The following HEG1 variants were observed in gnomAD, a reference collection of about 807,000 sequenced individuals.
HEG1 encodes the protein heart development protein with EGF like domains 1.
A neutral mutation model predicts 125.6 loss-of-function variants in HEG1; 56 were observed. That is an observed-to-expected ratio of 0.45 (90% confidence interval 0.36 to 0.56). HEG1 has a LOEUF of 0.56. Ranked by LOEUF, HEG1 falls within the 20% of genes least tolerant of loss-of-function variation. HEG1 has a pLI of 0.00. For synonymous variants in HEG1, 644 were observed against 668.5 expected, an observed-to-expected ratio of 0.96 and a Z score of 0.57; for missense variants, 1,523 against 1,670.0, an observed-to-expected ratio of 0.91 and a Z score of 1.53.
At chr3:125,043,399 G>C (rs1325011531) in intron 1 of HEG1, among the ~76,000 whole-genome samples, 1 of 151,278 alleles carries the variant, frequency 6.6e-6, no homozygotes, top group African/African-American at 2.4e-5. Flanking sequence ...CAAGCTCTTT[G>C]CTTTAAAAGG....
chr3:125,011,088 A>G (rs1193041605), intron 6 of HEG1, among the ~76,000 whole-genome samples: 2 of 152,184 alleles, frequency 1.3e-5, no homozygotes, highest in African/African-American at 4.8e-5. Context: ...ATTGTGCCAT[A>G]TTTAGAAAAT....
chr3:124,997,366 T>C (rs954561184), intron 12 of HEG1, among the ~76,000 whole-genome samples: 14 of 152,002 alleles, frequency 9.2e-5, no homozygotes, highest in Non-Finnish European at 1.8e-4. Context: ...AGACAACAGA[T>C]AAAGCTTTGG....
rs534267444 is a variant in HEG1 at position 124,967,486 on chromosome 3, G to A, written c.*3166C>T. On this transcript the variant is annotated 3_prime_UTR_variant, in exon 17 of 17. Transcript: ENST00000311127. ...TTTTTTTTTTTTTTTTGCATTTCAC[G>A]TCACTAATTTGGTTACTTCTTAAAA... is the stretch of plus-strand genomic sequence containing the variant. 7.6e-6 allele frequency: 1 copy of A among 130,898 alleles called. No individual in the cohort carries two copies. The highest frequency in any genetic ancestry group is 3.0e-5 in the African/African-American group (1 of 33,426). The allele number at this position is 130,898 out of a possible 1,614,324, so 8.1% of individuals were successfully genotyped here.
At position 125,013,116 on chromosome 3, in the gene HEG1, C is replaced by T; in HGVS notation, c.2463G>A (p.Glu821=). ...TNSPLPPSLT[E]SSTEQTLPAT... ...CTGGAAGGGTTTGCTCTGTGGAGGACTCTGTTAAGGATGGAGGCAAAGGAG... is the reference window on the plus strand; with the variant it reads ...CTGGAAGGGTTTGCTCTGTGGAGGATTCTGTTAAGGATGGAGGCAAAGGAG... Residue 821 remains glutamate (E), a synonymous_variant, in exon 6 of 17, where the codon GAG becomes GAA. Transcript: ENST00000311127. 2 of 1,613,924 alleles carry T rather than the reference C, an allele frequency of 1.2e-6. No individual in the cohort carries two copies. The highest frequency in any genetic ancestry group is 1.7e-6 in the Non-Finnish European group (2 of 1,179,886).
chr3:125,006,238 C>T (rs750113234), intron 8 of HEG1, among the ~76,000 whole-genome samples: 10 of 151,968 alleles, frequency 6.6e-5, no homozygotes, highest in South Asian at 4.1e-4. Flanking sequence ...CTGTTGGGTT[C>T]GGAAATGAAA....
intron 1 of HEG1, among the ~76,000 whole-genome samples, chr3:125,048,983 T>C (rs979269714): frequency 6.6e-6 from 1 of 151,874 alleles, no homozygotes; most frequent in African/African-American, 2.4e-5. Context: ...GAGGCAGGAG[T>C]TGACACAGGG....
intron 9 of HEG1, among the ~76,000 whole-genome samples, chr3:125,004,381 C>T (rs1937040768): frequency 6.6e-6 from 1 of 152,158 alleles, no homozygotes; most frequent in African/African-American, 2.4e-5. Context: ...ATAGATGAGT[C>T]AAATCTCTGA....
chr3:125,001,501 G>C (rs1055644059), intron 11 of HEG1, among the ~76,000 whole-genome samples: 2 of 152,134 alleles, frequency 1.3e-5, no homozygotes, highest in African/African-American at 4.8e-5. Context: ...CCCAAAGAGA[G>C]CAGGAACTTT....
At position 124,990,818 on chromosome 3, in the gene HEG1, T is replaced by G; in HGVS notation, c.3702A>C (p.Pro1234=). The G allele has an allele frequency of 1.0e-5, 16 of 1,564,166 alleles. No homozygotes were observed. Among genetic ancestry groups the G allele is most frequent in the Non-Finnish European group, 1.3e-5 (15 of 1,153,558 alleles). The part of the protein sequence containing the change: ...RLENETCMSC[P]FGLGGLNCGN... ...CACAGTTGAGACCACCAAGGCCAAATGGGCAACTGCAAGCCAAGAAAGAAA... is the reference window on the plus strand; with the variant it reads ...CACAGTTGAGACCACCAAGGCCAAAGGGGCAACTGCAAGCCAAGAAAGAAA... Residue 1234 remains proline, a synonymous_variant, in exon 14 of 17, where the codon CCA becomes CCC. Coordinates refer to ENST00000311127, the MANE Select transcript of HEG1 (RefSeq NM_020733.2).
intron 15 of HEG1, among the ~76,000 whole-genome samples, chr3:124,976,253 T>C (rs1936535036): frequency 6.6e-6 from 1 of 152,174 alleles, no homozygotes; most frequent in South Asian, 2.1e-4. Flanking sequence ...AGTGGCATGA[T>C]CTCAGGTCAC....
intron 16 of HEG1, among the ~76,000 whole-genome samples, chr3:124,972,772 G>A (rs1936468542): frequency 6.6e-6 from 1 of 152,170 alleles, no homozygotes; most frequent in Admixed American, 6.5e-5. Context: ...GAGCTGGGCA[G>A]TTTACAGGAA....
chr3:125,034,592 G>A (rs764358906), intron 1 of HEG1, among the ~76,000 whole-genome samples: 2 of 152,142 alleles, frequency 1.3e-5, no homozygotes, highest in African/African-American at 2.4e-5. Context: ...GAGCCCACGA[G>A]TTCAAGACCA....
chr3:125,013,667 G>A lies in HEG1; in HGVS notation c.1912C>T (p.Pro638Ser). 3 of 1,613,804 alleles carry A rather than the reference G, an allele frequency of 1.9e-6. No individual in the cohort carries two copies. Among genetic ancestry groups the A allele is most frequent in the Non-Finnish European group, 1.7e-6 (2 of 1,179,802 alleles). ...LHTSNLPSYT[P>S]TINMPNTSVV... ...GAAGTGTTCGGCATATTAATGGTGG[G>A]TGTGTAGGACGGAAGGTTGGATGTA... The change falls in exon 6 of 17, where the codon CCC (proline) becomes TCC (serine). Residue 638 changes from proline to serine, a missense_variant. Pro to Ser is a moderately conservative substitution (Grantham distance 74). Transcript: ENST00000311127.
rs768011158 is a variant in HEG1 at position 124,997,674 on chromosome 3, C to T, written c.3652+15G>A. ...CCAGGACTGGGCACAGAACCCCAGGCGAAGCTGTGGCTACCTCGGCAGGAG... is the reference window on the plus strand; with the variant it reads ...CCAGGACTGGGCACAGAACCCCAGGTGAAGCTGTGGCTACCTCGGCAGGAG... On this transcript the variant is annotated intron_variant, in intron 12 of 16. Coordinates refer to ENST00000311127, the MANE Select transcript of HEG1 (RefSeq NM_020733.2). 5.1e-6 allele frequency: 8 copies of T among 1,557,304 alleles called. No homozygotes were observed. Among genetic ancestry groups the T allele is most frequent in the Middle Eastern group, 1.7e-4 (1 of 5,872 alleles).
At chr3:125,030,787 C>A (rs2107707990) in intron 1 of HEG1, among the ~76,000 whole-genome samples, 1 of 152,094 alleles carries the variant, frequency 6.6e-6, no homozygotes, top group South Asian at 2.1e-4. Flanking sequence ...TGCATCTTGC[C>A]CAAGTCGCAC....
In HEG1 at chr3:124,977,856, T is replaced by TA; in HGVS notation, c.3821+2dup. The stretch of plus-strand genomic sequence containing the variant: ...GATTGGAACCTGAACTCTCATCACT[T>TA]ACCTGCAACAGGTAACAATCAGTGC... On this transcript the variant is annotated splice_region_variant and intron_variant, in intron 15 of 16. Coordinates refer to ENST00000311127, the MANE Select transcript of HEG1 (RefSeq NM_020733.2). The TA allele has an allele frequency of 1.9e-6, 3 of 1,559,490 alleles. No homozygotes were observed. The highest frequency in any genetic ancestry group is 2.6e-6 in the Non-Finnish European group (3 of 1,150,292).
At chr3:125,023,214 A>AAAAAC (rs893365403) in intron 3 of HEG1, among the ~76,000 whole-genome samples, 1 of 139,800 alleles carries the variant, frequency 7.2e-6, no homozygotes, top group African/African-American at 2.6e-5. Flanking sequence ...AAAAACAAAC[A>AAAAAC]AAAACAAAAC....
At position 125,019,479 on chromosome 3, in the gene HEG1, G is replaced by A; in HGVS notation, c.1371C>T (p.His457=). The A allele has an allele frequency of 1.2e-6, 2 of 1,614,034 alleles. No individual in the cohort carries two copies. Among genetic ancestry groups the A allele is most frequent in the Non-Finnish European group, 1.7e-6 (2 of 1,179,892 alleles). ...ATGTTGTGCTGTTGGTCAAGAGCCA[G>A]TGTGCAGTGATCTCTCCACCTCTCA... The part of the protein sequence containing the change: ...APMRGGEITA[H]WLLTNSTTSA... Residue 457 remains histidine (H), a synonymous_variant, in exon 5 of 17, where the codon CAC becomes CAT. Transcript: ENST00000311127.
chr3:125,021,975 G>A (rs1425985547), intron 3 of HEG1, among the ~76,000 whole-genome samples: 6 of 152,164 alleles, frequency 3.9e-5, no homozygotes, highest in Admixed American at 2.0e-4. Flanking sequence ...GGCTGCCATG[G>A]GGAAACTGTC....
Sources: gnomAD v4.1 joint callset for allele counts (sites outside exome capture counted in the v4.1 genomes callset) on GRCh38, gnomAD v4.1.1 for gene constraint, MANE v1.5 for transcripts, NCBI Gene and HGNC (gene_info 2026-07-23, HGNC 2026-07-21) for gene names.